ZBTB7C: variants seen among roughly 807,000 people sequenced by gnomAD.
ZBTB7C encodes the protein zinc finger and BTB domain containing 7C.
In ZBTB7C, 8 loss-of-function variants were observed where a neutral mutation model predicts 25.7. The observed-to-expected ratio is 0.31, with a 90% CI of 0.18 to 0.56. The LOEUF is 0.56. ZBTB7C is among the 20% of genes least tolerant of loss of function. The probability of loss-of-function intolerance (pLI) is 0.91; values close to 1 mark genes in which losing one functional copy is unlikely to be tolerated. For synonymous variants in ZBTB7C, 394 were observed against 369.0 expected (o/e 1.07, Z -0.78); for missense variants, 824 against 855.2 (o/e 0.96, Z 0.46).
intron 3 of ZBTB7C, among the ~76,000 whole-genome samples, chr18:48,051,277 G>A (rs941557280): frequency 8.5e-5 from 13 of 152,240 alleles, no homozygotes; most frequent in Admixed American, 7.2e-4. Flanking sequence ...GGGCAGATGG[G>A]TGAGGAAGAA....
intron 3 of ZBTB7C, among the ~76,000 whole-genome samples, chr18:48,075,416 G>A (rs964436854): frequency 2.0e-5 from 3 of 152,238 alleles, no homozygotes; most frequent in African/African-American, 7.2e-5. Flanking sequence ...AGATGGAAAT[G>A]GGAACAGCCA....
chr18:48,401,164 G>A (rs1197156320), intron 1 of ZBTB7C, among the ~76,000 whole-genome samples: 1 of 152,122 alleles, frequency 6.6e-6, no homozygotes, highest in Admixed American at 6.5e-5. Context: ...CTGTAGGCTG[G>A]GATTTTATTC....
intron 2 of ZBTB7C, among the ~76,000 whole-genome samples, chr18:48,214,481 C>T (rs1364117865): frequency 6.6e-6 from 1 of 152,202 alleles, no homozygotes; most frequent in African/African-American, 2.4e-5. Context: ...AGATACGGGT[C>T]ACAAAGCCCC....
intron 2 of ZBTB7C, among the ~76,000 whole-genome samples, chr18:48,248,809 C>T (rs185418859): frequency 2.0e-5 from 3 of 152,064 alleles, no homozygotes; most frequent in Non-Finnish European, 4.4e-5. Context: ...AAGAAGTACT[C>T]ACAGATTGAG....
At chr18:48,104,117 C>T (rs192600087) in intron 3 of ZBTB7C, among the ~76,000 whole-genome samples, 70 of 152,182 alleles carry the variant, frequency 4.6e-4, no homozygotes, top group Admixed American at 2.9e-3. Flanking sequence ...ATATCTGGCC[C>T]GTCCAAATCT....
At chr18:48,367,347 C>CAT (rs58569472) in intron 1 of ZBTB7C, among the ~76,000 whole-genome samples, 6,265 of 44,664 alleles carry the variant, frequency 0.14, 282 homozygotes, top group East Asian at 0.35. Flanking sequence ...TATATGTGTG[C>CAT]ATATATATAT....
chr18:48,367,386 A>C (rs2047271456), intron 1 of ZBTB7C, among the ~76,000 whole-genome samples: 1 of 136,894 alleles, frequency 7.3e-6, no homozygotes, highest in African/African-American at 2.7e-5. Flanking sequence ...TACAAACAGA[A>C]GACTCTAAAA....
intron 3 of ZBTB7C, among the ~76,000 whole-genome samples, chr18:48,092,273 T>C (rs751804930): frequency 6.6e-6 from 1 of 152,236 alleles, no homozygotes. Flanking sequence ...CCCTGGAGGC[T>C]ACCAGCCTTG....
At chr18:48,365,418 C>T (rs2047199740) in intron 1 of ZBTB7C, among the ~76,000 whole-genome samples, 1 of 152,208 alleles carries the variant, frequency 6.6e-6, no homozygotes, top group Non-Finnish European at 1.5e-5. Flanking sequence ...AATGGGATGT[C>T]ACTCTGTGAT....
At chr18:48,131,470 GT>G (rs1034256451) in intron 3 of ZBTB7C, among the ~76,000 whole-genome samples, 32 of 148,244 alleles carry the variant, frequency 2.2e-4, no homozygotes, top group East Asian at 5.9e-4. Context: ...AAGGATAGTT[GT>G]TTTTTTTTTT....
At chr18:48,105,337 C>T (rs1489430136) in intron 3 of ZBTB7C, among the ~76,000 whole-genome samples, 2 of 152,234 alleles carry the variant, frequency 1.3e-5, no homozygotes, top group African/African-American at 2.4e-5. Flanking sequence ...GAATCAGACT[C>T]TCTGAACCTC....
intron 3 of ZBTB7C, among the ~76,000 whole-genome samples, chr18:48,173,668 G>C (rs1257430802): frequency 6.6e-6 from 1 of 152,230 alleles, no homozygotes. Context: ...GCCTGCACTT[G>C]CATGCTCCTG....
upstream of ZBTB7C, chr18:48,409,443 G>T (rs1219050900): frequency 6.9e-6 from 1 of 144,528 alleles, no homozygotes; most frequent in African/African-American, 2.5e-5. Flanking sequence ...CCGCGCCTCC[G>T]CCCTCCCCGC....
intron 2 of ZBTB7C, among the ~76,000 whole-genome samples, chr18:48,324,027 G>A (rs1241170321): frequency 6.6e-6 from 1 of 152,142 alleles, no homozygotes; most frequent in Non-Finnish European, 1.5e-5. Flanking sequence ...CTTCCACCAT[G>A]TGAAGACGGT....
chr18:48,155,763 A>G (rs1326266578), intron 3 of ZBTB7C, among the ~76,000 whole-genome samples: 1 of 152,156 alleles, frequency 6.6e-6, no homozygotes, highest in Non-Finnish European at 1.5e-5. Context: ...CCTGCATTCT[A>G]TATTTCACTC....
At chr18:48,398,508 A>C (rs2048080736) in intron 1 of ZBTB7C, among the ~76,000 whole-genome samples, 2 of 152,106 alleles carry the variant, frequency 1.3e-5, no homozygotes, top group South Asian at 4.1e-4. Context: ...CCCCTCCCTG[A>C]TACCCTGCAC....
chr18:48,224,729 A>T (rs2043047344), intron 2 of ZBTB7C, among the ~76,000 whole-genome samples: 1 of 152,172 alleles, frequency 6.6e-6, no homozygotes, highest in Non-Finnish European at 1.5e-5. Flanking sequence ...AATTCCATGA[A>T]TTGGGAAGAA....
intron 2 of ZBTB7C, among the ~76,000 whole-genome samples, chr18:48,324,617 C>G (rs926746008): frequency 1.3e-5 from 2 of 152,010 alleles, no homozygotes. Flanking sequence ...GAAGAGGATG[C>G]TAGAGGAGGC....
intron 1 of ZBTB7C, among the ~76,000 whole-genome samples, chr18:48,399,894 G>T (rs1295374398): frequency 6.6e-6 from 1 of 152,120 alleles, no homozygotes; most frequent in African/African-American, 2.4e-5. Context: ...CACACCTGCT[G>T]CTTTTTCCTC....
Sources: gnomAD v4.1 joint callset for allele counts (sites outside exome capture counted in the v4.1 genomes callset) on GRCh38, gnomAD v4.1.1 for gene constraint, MANE v1.5 for transcripts, NCBI Gene and HGNC (gene_info 2026-07-23, HGNC 2026-07-21) for gene names.